KITLG: variants seen among roughly 807,000 people sequenced by gnomAD.
KITLG encodes the protein c-Kit ligand.
A neutral mutation model predicts 34.1 loss-of-function variants in KITLG; 13 were observed. The ratio of observed to expected loss-of-function variants is 0.38; its 90% CI spans 0.25 to 0.61. KITLG has a LOEUF of 0.61. Ranked by LOEUF, KITLG falls within the 20% of genes least tolerant of loss-of-function variation. KITLG has a pLI of 0.60. For synonymous variants in KITLG, 110 were observed against 104.0 expected, an observed-to-expected ratio of 1.06 and a Z score of -0.35; for missense variants, 292 against 318.9, an observed-to-expected ratio of 0.92 and a Z score of 0.64.
At chr12:88,556,306 G>C in intron 1 of KITLG, among the ~76,000 whole-genome samples, 1 of 151,810 alleles carries the variant, frequency 6.6e-6, no homozygotes, top group East Asian at 1.9e-4. Flanking sequence ...GCACTGGGGA[G>C]ACCTGGAATG....
intron 1 of KITLG, among the ~76,000 whole-genome samples, chr12:88,552,241 C>G (rs967338205): frequency 1.3e-5 from 2 of 149,024 alleles, no homozygotes; most frequent in Non-Finnish European, 3.0e-5. Flanking sequence ...GTGGTGCAAT[C>G]TCGGCTCACT....
At chr12:88,575,606 A>T (rs1282354684) in intron 1 of KITLG, among the ~76,000 whole-genome samples, 2 of 152,198 alleles carry the variant, frequency 1.3e-5, no homozygotes, top group African/African-American at 2.4e-5. Flanking sequence ...CCTATACAAA[A>T]CAACCCTGAA....
intron 1 of KITLG, among the ~76,000 whole-genome samples, chr12:88,575,577 TTG>T (rs1295276371): frequency 1.3e-5 from 2 of 152,178 alleles, no homozygotes; most frequent in African/African-American, 4.8e-5. Context: ...CTGCAGTCAA[TTG>T]TTTCTATGAA....
intron 6 of KITLG, among the ~76,000 whole-genome samples, chr12:88,511,791 C>A (rs1365974813): frequency 1.3e-5 from 2 of 152,132 alleles, no homozygotes; most frequent in African/African-American, 4.8e-5. Context: ...ATTTTCTGAG[C>A]ACTTTACAGA....
At chr12:88,554,708 A>G (rs1023773420) in intron 1 of KITLG, among the ~76,000 whole-genome samples, 2 of 152,198 alleles carry the variant, frequency 1.3e-5, no homozygotes, top group African/African-American at 2.4e-5. Flanking sequence ...GTGAATAACC[A>G]TTCAGTTCTA....
chr12:88,564,166 T>C (rs1438246634), intron 1 of KITLG: 1 of 152,216 alleles, frequency 6.6e-6, no homozygotes, highest in Non-Finnish European at 1.5e-5. Flanking sequence ...AAGATTATTT[T>C]GCTTTCAAGT....
At chr12:88,523,280 G>A (rs113240497) in intron 3 of KITLG, among the ~76,000 whole-genome samples, 14 of 152,150 alleles carry the variant, frequency 9.2e-5, no homozygotes, top group Non-Finnish European at 1.3e-4. Flanking sequence ...TTGTATAAGC[G>A]GGAAAATCAA....
intron 2 of KITLG, among the ~76,000 whole-genome samples, chr12:88,535,605 CCTTCT>C (rs1870284774): frequency 6.6e-6 from 1 of 152,102 alleles, no homozygotes; most frequent in Non-Finnish European, 1.5e-5. Flanking sequence ...TCATTGGTTT[CCTTCT>C]AATTACATTT....
chr12:88,494,574 T>C lies in KITLG; in HGVS notation c.*2645A>G, dbSNP rs1868539193. 1.3e-5 allele frequency: 2 copies of C among 152,454 alleles called. No homozygotes were observed. Among genetic ancestry groups the C allele is most frequent in the Admixed American group, 1.3e-4 (2 of 15,224 alleles). 9.4% of individuals were successfully genotyped at this position (152,454 alleles called of 1,614,324 possible). ...TCTCTGACTCATTAAAATGTGGCAG[T>C]GTGGTAAGCACATTAAATTACAATA... On this transcript the variant is annotated 3_prime_UTR_variant, in exon 10 of 10. Transcript: ENST00000644744.
intron 3 of KITLG, among the ~76,000 whole-genome samples, chr12:88,519,347 C>G (rs567126273): frequency 3.0e-4 from 46 of 152,126 alleles, no homozygotes; most frequent in Non-Finnish European, 6.0e-4. Flanking sequence ...AATGTGTTAT[C>G]TTTTCTCTTA....
At chr12:88,543,049 G>A (rs1870577843) in intron 2 of KITLG, among the ~76,000 whole-genome samples, 1 of 152,080 alleles carries the variant, frequency 6.6e-6, no homozygotes, top group African/African-American at 2.4e-5. Flanking sequence ...AAATATAGAT[G>A]TTTGGATCCC....
chr12:88,518,930 A>G (rs964960995), intron 3 of KITLG, 63 bp from the exon 4 acceptor site: 2 of 1,417,910 alleles, frequency 1.4e-6, no homozygotes, highest in Non-Finnish European at 2.0e-6. Flanking sequence ...TAAAACTCGG[A>G]GTACTCTTCA....
intron 9 of KITLG, among the ~76,000 whole-genome samples, chr12:88,497,460 C>G (rs945067940): frequency 2.0e-5 from 3 of 152,116 alleles, no homozygotes; most frequent in Non-Finnish European, 4.4e-5. Context: ...GGGCAGGGAG[C>G]TTCTCTATCT....
At chr12:88,519,474 A>G (rs987136907) in intron 3 of KITLG, among the ~76,000 whole-genome samples, 1 of 152,176 alleles carries the variant, frequency 6.6e-6, no homozygotes, top group African/African-American at 2.4e-5. Context: ...AAGCACAAAT[A>G]ATTTAATACA....
chr12:88,535,316 A>G (rs1870268530), intron 2 of KITLG, among the ~76,000 whole-genome samples: 1 of 152,194 alleles, frequency 6.6e-6, no homozygotes, highest in African/African-American at 2.4e-5. Flanking sequence ...ATTTACTGAT[A>G]TTCAATTTCT....
At chr12:88,549,892 A>C (rs1486015710) in intron 1 of KITLG, among the ~76,000 whole-genome samples, 2 of 152,188 alleles carry the variant, frequency 1.3e-5, no homozygotes, top group Non-Finnish European at 2.9e-5. Context: ...CAAGAGAGCA[A>C]AGCAAAAAGA....
At chr12:88,577,914 G>A (rs1330322304) in intron 1 of KITLG, among the ~76,000 whole-genome samples, 1 of 152,116 alleles carries the variant, frequency 6.6e-6, no homozygotes, top group Non-Finnish European at 1.5e-5. Context: ...TATATGTGGG[G>A]TAGTAGGAGA....
At chr12:88,515,114 C>T (rs1869411459) in intron 6 of KITLG, among the ~76,000 whole-genome samples, 2 of 151,752 alleles carry the variant, frequency 1.3e-5, no homozygotes. Flanking sequence ...GAATTCTATA[C>T]AACCAGCATT....
intron 1 of KITLG, among the ~76,000 whole-genome samples, chr12:88,553,265 T>C (rs529922479): frequency 4.4e-4 from 67 of 152,340 alleles, no homozygotes; most frequent in African/African-American, 1.6e-3. Flanking sequence ...TATTTATCTT[T>C]GTTTTCTCTT....
Sources: allele counts gnomAD v4.1 joint callset (sites outside exome capture counted in the v4.1 genomes callset), GRCh38; gene constraint gnomAD v4.1.1; transcripts MANE v1.5; gene names NCBI Gene and HGNC (gene_info 2026-07-23, HGNC 2026-07-21).